The following BMP2K variants were observed in gnomAD, a reference collection of about 807,000 sequenced individuals.
BMP2K encodes BMP2 inducible kinase.
Under a neutral mutation model 116.0 loss-of-function variants are expected in BMP2K, and 74 were observed. The ratio of observed to expected loss-of-function variants is 0.64; its 90% confidence interval spans 0.53 to 0.77. The LOEUF (loss-of-function observed/expected upper bound fraction) is 0.77. Ranked by LOEUF, BMP2K falls within the 30% of genes least tolerant of loss-of-function variation. The pLI, the probability that BMP2K is intolerant of heterozygous loss-of-function variation, is 0.00. For synonymous variants in BMP2K, 486 were observed against 502.5 expected (o/e 0.97, Z 0.44); for missense variants, 1,365 against 1,403.6 (o/e 0.97, Z 0.44).
intron 5 of BMP2K, 129 bp downstream of exon 5, chr4:78,845,178 G>C (rs1730941016): frequency 4.7e-6 from 4 of 844,244 alleles, no homozygotes; most frequent in Non-Finnish European, 7.2e-6. Flanking sequence ...CTGTGCCATA[G>C]ATGTTGATTA....
chr4:78,911,258 G>A lies in BMP2K; in HGVS notation c.2711G>A (p.Ser904Asn), dbSNP rs763917723. Reference protein sequence around the residue: ...EFDVFTKAPFSKKVNVQECHA... With the variant: ...EFDVFTKAPFNKKVNVQECHA... The stretch of plus-strand genomic sequence containing the variant: ...GATGTATTCACAAAGGCGCCTTTTA[G>A]CAAGAAGGTGAATGTACAAGAATGC... The change falls in exon 16 of 16, where the codon AGC becomes AAC. Residue 904 changes from serine (S) to asparagine (N), a missense_variant. Ser to Asn is a conservative substitution (Grantham distance 46). Transcript: ENST00000502613. 1 of 1,614,006 alleles carries A rather than the reference G, an allele frequency of 6.2e-7. No individual in the cohort carries two copies.
chr4:78,833,773 G>C, intron 3 of BMP2K, 86 bp downstream of exon 3: 1 of 816,366 alleles, frequency 1.2e-6, no homozygotes, highest in Non-Finnish European at 2.0e-6. Flanking sequence ...CAGGGTAGCT[G>C]CTAACTAATT....
rs745670769 is a variant in BMP2K at position 78,911,886 on chromosome 4, T to C, written c.3339T>C (p.His1113=). 1 of 1,613,966 alleles carries C rather than the reference T, an allele frequency of 6.2e-7. No homozygotes were observed. Among genetic ancestry groups the C allele is most frequent in the Non-Finnish European group, 8.5e-7 (1 of 1,179,880 alleles). Residue 1113 remains histidine, a synonymous_variant, in exon 16 of 16, where the codon CAT becomes CAC. Coordinates refer to ENST00000502613, the MANE Select transcript of BMP2K (RefSeq NM_198892.2). ...PRQNSLHGSF[H]SADVLKMDDF... ...AAAATTCACTACATGGGTCATTCCA[T>C]AGTGCAGATGTATTGAAAATGGATG... is the stretch of plus-strand genomic sequence containing the variant.
intron 13 of BMP2K, among the ~76,000 whole-genome samples, chr4:78,873,584 C>T (rs1470038829): frequency 6.6e-6 from 1 of 152,020 alleles, no homozygotes; most frequent in Non-Finnish European, 1.5e-5. Context: ...ACAGCAGCAT[C>T]AGTAGCATAC....
chr4:78,828,559 G>T (rs1729992784), intron 2 of BMP2K, among the ~76,000 whole-genome samples: 1 of 152,118 alleles, frequency 6.6e-6, no homozygotes, highest in Non-Finnish European at 1.5e-5. Context: ...TCCTGCCTTG[G>T]GGCAGGTGAA....
intron 1 of BMP2K, among the ~76,000 whole-genome samples, chr4:78,814,902 A>G (rs1032601177): frequency 6.6e-6 from 1 of 152,144 alleles, no homozygotes; most frequent in African/African-American, 2.4e-5. Flanking sequence ...TTAATTTCAT[A>G]GTGGCTTAAT....
intron 2 of BMP2K, among the ~76,000 whole-genome samples, chr4:78,829,787 T>TTTCTTTTCTTTTCTCTC (rs71216237): frequency 4.6e-5 from 4 of 86,594 alleles, no homozygotes; most frequent in Admixed American, 1.4e-4. Context: ...TTTCTTTTCT[T>TTTCTTTTCTTTTCTCTC]TTCTCTTCTC....
At chr4:78,868,260 G>T (rs1454670082) in intron 10 of BMP2K, among the ~76,000 whole-genome samples, 1 of 152,030 alleles carries the variant, frequency 6.6e-6, no homozygotes, top group East Asian at 1.9e-4. Context: ...GGCAACAAGA[G>T]AAAATGAGGA....
At chr4:78,794,338 T>C (rs1176932114) in intron 1 of BMP2K, among the ~76,000 whole-genome samples, 1 of 152,168 alleles carries the variant, frequency 6.6e-6, no homozygotes. Flanking sequence ...ACAGTACTGT[T>C]AGTATTAAAC....
intron 7 of BMP2K, among the ~76,000 whole-genome samples, chr4:78,855,352 G>T (rs1444595530): frequency 6.6e-6 from 1 of 152,142 alleles, no homozygotes; most frequent in African/African-American, 2.4e-5. Context: ...AGAAAAATGT[G>T]TCTTTATGGA....
intron 1 of BMP2K, among the ~76,000 whole-genome samples, chr4:78,813,218 T>C (rs918007474): frequency 6.6e-6 from 1 of 152,190 alleles, no homozygotes; most frequent in African/African-American, 2.4e-5. Flanking sequence ...CAGGAAATCG[T>C]ATCAGGTCTG....
At chr4:78,821,150 G>A (rs1269291308) in intron 1 of BMP2K, among the ~76,000 whole-genome samples, 1 of 151,826 alleles carries the variant, frequency 6.6e-6, no homozygotes, top group Non-Finnish European at 1.5e-5. Flanking sequence ...TTTTCTGTTT[G>A]CTTGTTTTAC....
chr4:78,910,994 T>C lies in BMP2K; in HGVS notation c.2447T>C (p.Met816Thr). 3 of 1,613,636 alleles carry C rather than the reference T, an allele frequency of 1.9e-6. No individual in the cohort carries two copies. The highest frequency in any genetic ancestry group is 2.2e-5 in the East Asian group (1 of 44,850). The change falls in exon 16 of 16, where the codon ATG becomes ACG. Residue 816 changes from methionine (M) to threonine (T), a missense_variant. Met to Thr is a moderately conservative substitution (Grantham distance 81, BLOSUM62 -1). Around this residue, in one of 3 missense-constraint regions of BMP2K, gnomAD observed 596 missense variants for 623.2 expected, o/e 0.96. Transcript: ENST00000502613. ...YEQAKAKYSD[M>T]SSVYRDRSGS... ...CAGGCTAAAGCAAAGTACAGTGACA[T>C]GAGCTCTGTCTACAGAGACAGATCT...
At chr4:78,848,310 TTACATA>T (rs1246425160) in intron 6 of BMP2K, among the ~76,000 whole-genome samples, 2 of 151,662 alleles carry the variant, frequency 1.3e-5, no homozygotes, top group African/African-American at 4.8e-5. Context: ...GATCTCCAGC[TTACATA>T]ACTCAAATTT....
At chr4:78,898,634 G>A (rs1477245361) in intron 15 of BMP2K, among the ~76,000 whole-genome samples, 1 of 149,904 alleles carries the variant, frequency 6.7e-6, no homozygotes. Context: ...CCTTCCATTG[G>A]GCGACAGAGC....
At chr4:78,869,680 GTGAATGA>G (rs1560537288) in intron 10 of BMP2K, among the ~76,000 whole-genome samples, 1 of 152,110 alleles carries the variant, frequency 6.6e-6, no homozygotes, top group Non-Finnish European at 1.5e-5. Flanking sequence ...AATTTTCAAG[GTGAATGA>G]TTTTTGAGTA....
chr4:78,895,069 A>G (rs1178994448), intron 15 of BMP2K, among the ~76,000 whole-genome samples: 1 of 152,230 alleles, frequency 6.6e-6, no homozygotes, highest in Non-Finnish European at 1.5e-5. Flanking sequence ...AAGATCACTG[A>G]TCACAGGGTC....
chr4:78,888,664 G>A (rs1358546412), intron 15 of BMP2K, among the ~76,000 whole-genome samples: 1 of 152,154 alleles, frequency 6.6e-6, no homozygotes, highest in Non-Finnish European at 1.5e-5. Context: ...CTTATTTGGA[G>A]GTTGGCCTAA....
intron 1 of BMP2K, among the ~76,000 whole-genome samples, chr4:78,788,937 A>G (rs188074758): frequency 2.0e-5 from 3 of 150,058 alleles, no homozygotes; most frequent in Non-Finnish European, 4.4e-5. Flanking sequence ...AGGTATTTCA[A>G]AAAGTTGTGG....
Sources: gnomAD v4.1 joint callset for allele counts (sites outside exome capture counted in the v4.1 genomes callset) on GRCh38, gnomAD v4.1.1 for gene constraint, gnomAD v4.1.1 regional missense constraint, MANE v1.5 for transcripts, NCBI Gene and HGNC (gene_info 2026-07-23, HGNC 2026-07-21) for gene names.